The following HS3ST5 variants were observed in gnomAD, a reference collection of about 807,000 sequenced individuals.
HS3ST5 encodes heparan sulfate glucosamine 3-O-sulfotransferase 5.
In HS3ST5, 10 loss-of-function variants were observed where a neutral mutation model predicts 25.4. The ratio of observed to expected loss-of-function variants is 0.39; its 90% CI spans 0.24 to 0.67. The LOEUF (loss-of-function observed/expected upper bound fraction) is 0.67, where lower values mean the gene tolerates loss of function less well. Among genes scored for constraint, HS3ST5 ranks in the 30% least tolerant of loss-of-function variants. HS3ST5 has a pLI of 0.44. For synonymous variants in HS3ST5, 170 were observed against 162.4 expected, an observed-to-expected ratio of 1.05 and a Z score of -0.36; for missense variants, 324 against 420.7, an observed-to-expected ratio of 0.77 and a Z score of 2.01.
At chr6:114,112,336 A>T (rs114386630) in intron 3 of HS3ST5, 2 of 152,454 alleles carry the variant, frequency 1.3e-5, no homozygotes, top group Non-Finnish European at 2.9e-5. Context: ...GGCATTGAAG[A>T]TGCAAGGGAT....
chr6:114,086,006 T>C (rs1271617738), intron 3 of HS3ST5, among the ~76,000 whole-genome samples: 1 of 139,204 alleles, frequency 7.2e-6, no homozygotes, highest in Non-Finnish European at 1.5e-5. Flanking sequence ...CATTCAAAGA[T>C]TTTATTTTGT....
intron 2 of HS3ST5, among the ~76,000 whole-genome samples, chr6:114,188,993 G>A (rs1244972843): frequency 1.3e-5 from 2 of 151,976 alleles, no homozygotes; most frequent in Admixed American, 1.3e-4. Context: ...TAAATCTCAT[G>A]TTTCTTGATT....
At chr6:114,338,913 A>C (rs1776716129) in intron 1 of HS3ST5, among the ~76,000 whole-genome samples, 1 of 152,110 alleles carries the variant, frequency 6.6e-6, no homozygotes, top group Non-Finnish European at 1.5e-5. Flanking sequence ...AAGTTTAACT[A>C]GGTATTTTTG....
At chr6:114,287,829 G>T (rs1389502664) in intron 1 of HS3ST5, among the ~76,000 whole-genome samples, 1 of 151,932 alleles carries the variant, frequency 6.6e-6, no homozygotes, top group Admixed American at 6.6e-5. Flanking sequence ...TATTTTAGCA[G>T]AAGACATAAA....
chr6:114,105,951 T>G (rs553745099), intron 3 of HS3ST5, among the ~76,000 whole-genome samples: 31 of 152,298 alleles, frequency 2.0e-4, no homozygotes, highest in East Asian at 1.3e-3. Flanking sequence ...TTTGACTCCT[T>G]GTGGCATTAG....
chr6:114,322,187 G>A (rs896989098), intron 1 of HS3ST5, among the ~76,000 whole-genome samples: 1 of 152,076 alleles, frequency 6.6e-6, no homozygotes, highest in African/African-American at 2.4e-5. Context: ...TGTATTTCCT[G>A]CGCAACTGAA....
At chr6:114,099,214 G>T (rs1775603443) in intron 3 of HS3ST5, among the ~76,000 whole-genome samples, 1 of 152,102 alleles carries the variant, frequency 6.6e-6, no homozygotes, top group South Asian at 2.1e-4. Context: ...AAATTACAGG[G>T]CCAGCAAGCT....
intron 2 of HS3ST5, among the ~76,000 whole-genome samples, chr6:114,209,952 A>T (rs1197278494): frequency 1.3e-5 from 2 of 152,154 alleles, no homozygotes; most frequent in Admixed American, 6.6e-5. Flanking sequence ...TGGGCTTTTT[A>T]AAAAAATCTA....
rs975327206 is a variant in HS3ST5 at position 114,062,321 on chromosome 6, C to T, written c.107+418G>A. 2.6e-5 allele frequency among the ~76,000 whole-genome samples: 4 copies of T among 152,164 alleles called. No individual in the cohort carries two copies. The East Asian group carries it at 7.7e-4, about 29-fold the overall frequency. On this transcript the variant is annotated intron_variant, in intron 4 of 4. Transcript: ENST00000312719. ...AACTCGATGAGCTCCTTTAGAGGCT[C>T]ATACATAATTTTAATGCTCCTGATA...
intron 3 of HS3ST5, among the ~76,000 whole-genome samples, chr6:114,112,968 G>A (rs979249831): frequency 6.6e-6 from 1 of 152,088 alleles, no homozygotes; most frequent in African/African-American, 2.4e-5. Context: ...TTGAGTCCTG[G>A]ATCCCACCCC....
intron 2 of HS3ST5, among the ~76,000 whole-genome samples, chr6:114,174,665 T>C (rs1389409442): frequency 6.6e-6 from 1 of 152,176 alleles, no homozygotes; most frequent in Non-Finnish European, 1.5e-5. Flanking sequence ...TTTCTCGTTT[T>C]GGTTTAAGAC....
chr6:114,335,563 G>T (rs1364343461), intron 1 of HS3ST5, among the ~76,000 whole-genome samples: 4 of 151,956 alleles, frequency 2.6e-5, no homozygotes, highest in Admixed American at 6.6e-5. Flanking sequence ...CTGGATAAGA[G>T]GATACACATT....
intron 1 of HS3ST5, among the ~76,000 whole-genome samples, chr6:114,321,168 T>C (rs1342670205): frequency 6.6e-6 from 1 of 152,060 alleles, no homozygotes; most frequent in African/African-American, 2.4e-5. Flanking sequence ...TTCCCTCATA[T>C]AGAATGCTCC....
chr6:114,229,202 T>G (rs1032662780), intron 1 of HS3ST5, among the ~76,000 whole-genome samples: 1 of 152,214 alleles, frequency 6.6e-6, no homozygotes, highest in Non-Finnish European at 1.5e-5. Context: ...TTTTGCTATA[T>G]TTCCTTTCAC....
intron 2 of HS3ST5, among the ~76,000 whole-genome samples, chr6:114,196,880 A>AAAAAAAAT (rs1780785546): frequency 6.6e-6 from 1 of 151,578 alleles, no homozygotes; most frequent in African/African-American, 2.4e-5. Flanking sequence ...GTAAATGGAA[A>AAAAAAAAT]AAAAAATAAA....
At chr6:114,218,943 T>G (rs183861957) in intron 2 of HS3ST5, among the ~76,000 whole-genome samples, 1 of 152,240 alleles carries the variant, frequency 6.6e-6, no homozygotes, top group African/African-American at 2.4e-5. Flanking sequence ...TTGTGTAATG[T>G]GACTTCTTGT....
At chr6:114,308,087 C>T (rs979908327) in intron 1 of HS3ST5, among the ~76,000 whole-genome samples, 1 of 151,970 alleles carries the variant, frequency 6.6e-6, no homozygotes, top group African/African-American at 2.4e-5. Context: ...TAATAGACTA[C>T]TCTTCAAGAA....
At chr6:114,257,976 C>T (rs1395951420) in intron 1 of HS3ST5, among the ~76,000 whole-genome samples, 2 of 152,136 alleles carry the variant, frequency 1.3e-5, no homozygotes, top group African/African-American at 4.8e-5. Context: ...CCAGGCTGGT[C>T]TCAAACTCTT....
chr6:114,084,679 A>T (rs1582581823), intron 3 of HS3ST5: 12 of 1,247,132 alleles, frequency 9.6e-6, no homozygotes, highest in Admixed American at 5.1e-5. Flanking sequence ...TGGGGTCAGT[A>T]ACCACAAGAA....
Sources: gnomAD v4.1 joint callset for allele counts (sites outside exome capture counted in the v4.1 genomes callset) on GRCh38, gnomAD v4.1.1 for gene constraint, MANE v1.5 for transcripts, NCBI Gene and HGNC (gene_info 2026-07-23, HGNC 2026-07-21) for gene names.